Variants in TFCP2 observed in about 807,000 individuals in gnomAD.
TFCP2 encodes alpha-globin transcription factor CP2.
TFCP2 carries 33 observed loss-of-function variants against 73.4 expected under a neutral mutation model. The ratio of observed to expected loss-of-function variants is 0.45; its 90% CI spans 0.34 to 0.60. TFCP2 has a LOEUF of 0.60. Among genes scored for constraint, TFCP2 ranks in the 20% least tolerant of loss-of-function variants. TFCP2 has a pLI of 0.01. For synonymous variants in TFCP2, 193 were observed against 211.6 expected, an observed-to-expected ratio of 0.91 and a Z score of 0.76; for missense variants, 352 against 604.0, an observed-to-expected ratio of 0.58 and a Z score of 4.37.
intron 8 of TFCP2, among the ~76,000 whole-genome samples, chr12:51,106,125 T>C (rs1940233118): frequency 6.6e-6 from 1 of 152,150 alleles, no homozygotes; most frequent in Non-Finnish European, 1.5e-5. Context: ...CAAAACAAAT[T>C]TTAGTGTTTG....
chr12:51,101,138 C>T (rs1592788039), intron 11 of TFCP2, among the ~76,000 whole-genome samples: 1 of 151,940 alleles, frequency 6.6e-6, no homozygotes, highest in Admixed American at 6.6e-5. Context: ...CCTGTCTCTA[C>T]TAAAAAAATA....
intron 1 of TFCP2, among the ~76,000 whole-genome samples, chr12:51,142,203 CAAAAA>C (rs3053458): frequency 1.9e-4 from 10 of 52,738 alleles, no homozygotes; most frequent in South Asian, 2.5e-3. Flanking sequence ...GACTCTGTCG[CAAAAA>C]AAAAAAAAAA....
At chr12:51,117,232 C>G (rs1940549597) in intron 3 of TFCP2, among the ~76,000 whole-genome samples, 1 of 152,184 alleles carries the variant, frequency 6.6e-6, no homozygotes. Flanking sequence ...GACAAAACTC[C>G]TCTGTTTCAA....
chr12:51,095,176 C>T lies in TFCP2; in HGVS notation c.*65G>A, dbSNP rs1939923555. On this transcript the variant is annotated 3_prime_UTR_variant, in exon 15 of 15. Transcript: ENST00000257915. ...ACCTTCAAATCTCCATTCATATCCC[C>T]CTTCAAGAGGGCCGTTTTCAGAGGT... 3.2e-6 allele frequency: 5 copies of T among 1,546,412 alleles called. No homozygotes were observed. The highest frequency in any genetic ancestry group is 4.5e-6 in the Non-Finnish European group (5 of 1,118,348).
At chr12:51,097,853 T>C (rs1940005609) in intron 13 of TFCP2, among the ~76,000 whole-genome samples, 1 of 151,618 alleles carries the variant, frequency 6.6e-6, no homozygotes, top group Non-Finnish European at 1.5e-5. Context: ...CAGCCTCTAC[T>C]AAAAATACAA....
intron 1 of TFCP2, among the ~76,000 whole-genome samples, chr12:51,122,954 A>G (rs1467383731): frequency 2.0e-5 from 3 of 152,268 alleles, no homozygotes; most frequent in Non-Finnish European, 2.9e-5. Context: ...ATTAGTAAAG[A>G]TTACCAGATT....
intron 7 of TFCP2, 25 bp downstream of exon 7, chr12:51,107,211 T>A: frequency 6.4e-7 from 1 of 1,551,844 alleles, no homozygotes; most frequent in Non-Finnish European, 8.8e-7. Flanking sequence ...TGAACTGAAA[T>A]TGTCACCAAA....
At chr12:51,134,008 GA>G (rs1182069659) in intron 1 of TFCP2, among the ~76,000 whole-genome samples, 1 of 150,664 alleles carries the variant, frequency 6.6e-6, no homozygotes. Context: ...AACTGGATAA[GA>G]AAACAAACAA....
chr12:51,144,773 TAGAC>T (rs747286505), intron 1 of TFCP2, among the ~76,000 whole-genome samples: 3 of 152,196 alleles, frequency 2.0e-5, no homozygotes, highest in Non-Finnish European at 2.9e-5. Context: ...AAGAATTTCT[TAGAC>T]AACACTGGAC....
At chr12:51,157,013 T>TC (rs975416978) in intron 1 of TFCP2, 34 of 33,664 alleles carry the variant, frequency 1.0e-3, no homozygotes, top group African/African-American at 2.8e-3. Context: ...TAATCTCTTT[T>TC]TTTTCTTTTT....
intron 1 of TFCP2, among the ~76,000 whole-genome samples, chr12:51,131,332 C>CAAA (rs34469805): frequency 1.0e-4 from 12 of 117,886 alleles, no homozygotes; most frequent in Non-Finnish European, 1.0e-4. Context: ...AAGACTGTCT[C>CAAA]AAAAAAAAAA....
chr12:51,128,984 G>A (rs879394322), intron 1 of TFCP2, among the ~76,000 whole-genome samples: 21 of 152,080 alleles, frequency 1.4e-4, no homozygotes, highest in Non-Finnish European at 2.6e-4. Flanking sequence ...AAAGTCATAA[G>A]CTTAGAACAA....
intron 1 of TFCP2, among the ~76,000 whole-genome samples, chr12:51,169,934 T>C (rs1340456262): frequency 2.6e-5 from 4 of 152,226 alleles, no homozygotes; most frequent in African/African-American, 7.2e-5. Context: ...CAAGAGCATA[T>C]GGTATTGCAC....
Position 51,107,327 on chromosome 12 carries a change from T to C in TFCP2, c.737A>G (p.Lys246Arg), listed in dbSNP as rs1467557321. The part of the protein sequence containing the change: ...KVFKPKGADR[K>R]QKTDREKMEK... ...CATTTTTTCCCTATCCGTTTTTTGC[T>C]TTCTGTCTGCACCTTTGGGCTGAAA... The change falls in exon 7 of 15, where the codon AAG (lysine) becomes AGG (arginine). Residue 246 changes from lysine (K) to arginine (R), a missense_variant. Physicochemically the swap from Lys to Arg is conservative, Grantham distance 26. Transcript: ENST00000257915. 1 of 1,613,104 alleles carries C rather than the reference T, an allele frequency of 6.2e-7. No individual in the cohort carries two copies. The highest frequency in any genetic ancestry group is 1.1e-5 in the South Asian group (1 of 90,696).
At chr12:51,161,963 T>C (rs908456986) in intron 1 of TFCP2, among the ~76,000 whole-genome samples, 3 of 149,838 alleles carry the variant, frequency 2.0e-5, no homozygotes, top group Middle Eastern at 6.4e-3. Context: ...GGAATATCAA[T>C]AAAAATATTT....
chr12:51,153,398 CTT>C (rs57780998), intron 1 of TFCP2, among the ~76,000 whole-genome samples: 136,790 of 150,412 alleles, frequency 0.91, 62,523 homozygotes, highest in Non-Finnish European at 0.97. Flanking sequence ...ATCATTTAAC[CTT>C]TTTTTTTTTT....
rs1941886576 is a variant in TFCP2, at chr12:51,172,676, T to C, written c.-254A>G. Reference sequence around the variant, plus strand: ...AGCTCTCAGGAACGTGAGGACCCCTTTGCTCAACTACTGCAGACTTCCCAG... The same window carrying C: ...AGCTCTCAGGAACGTGAGGACCCCTCTGCTCAACTACTGCAGACTTCCCAG... On this transcript the variant is annotated 5_prime_UTR_variant, in exon 1 of 15. Coordinates refer to ENST00000257915, the MANE Select transcript of TFCP2 (RefSeq NM_005653.5). The C allele has an allele frequency of 7.1e-6, 3 of 424,046 alleles. No individual in the cohort carries two copies. The allele number at this position is 424,046 out of a possible 1,614,324, so 26.3% of individuals were successfully genotyped here.
intron 7 of TFCP2, chr12:51,106,905 T>C: frequency 2.0e-6 from 1 of 493,326 alleles, no homozygotes; most frequent in Non-Finnish European, 3.7e-6. Context: ...CTTCCTAAAA[T>C]TGAAGGTGGT....
chr12:51,124,546 G>T, intron 1 of TFCP2: 1 of 440,666 alleles, frequency 2.3e-6, no homozygotes. Flanking sequence ...TGGGGCTGTG[G>T]CCCAGTCAGC....
Sources: gnomAD v4.1 joint callset for allele counts (sites outside exome capture counted in the v4.1 genomes callset) on GRCh38, gnomAD v4.1.1 for gene constraint, MANE v1.5 for transcripts, NCBI Gene and HGNC (gene_info 2026-07-23, HGNC 2026-07-21) for gene names.